The following TTC27 variants were observed in gnomAD, a reference collection of about 807,000 sequenced individuals.
TTC27 encodes tetratricopeptide repeat protein 27.
Under a neutral mutation model 115.9 loss-of-function variants are expected in TTC27, and 79 were observed. The ratio of observed to expected loss-of-function variants is 0.68; its 90% CI spans 0.57 to 0.82. The LOEUF is 0.82. Ranked by LOEUF, TTC27 falls within the 40% of genes least tolerant of loss-of-function variation. The pLI is 0.00. For missense variants in TTC27, 1,054 were observed against 993.1 expected (o/e 1.06, Z -0.82); for synonymous variants, 401 against 356.0 (o/e 1.13, Z -1.42).
intron 12 of TTC27, among the ~76,000 whole-genome samples, chr2:32,754,107 T>TA (rs1052662535): frequency 6.8e-6 from 1 of 146,554 alleles, no homozygotes. Flanking sequence ...TAAAAATAAA[T>TA]AAAAAATTAA....
chr2:32,724,975 A>T (rs1053059203), intron 10 of TTC27, among the ~76,000 whole-genome samples: 2 of 152,224 alleles, frequency 1.3e-5, no homozygotes, highest in South Asian at 2.1e-4. Context: ...ATGGCAGCAG[A>T]CAAAGAGAGA....
At chr2:32,819,971 G>A (rs1247077257) in intron 19 of TTC27, among the ~76,000 whole-genome samples, 1 of 152,202 alleles carries the variant, frequency 6.6e-6, no homozygotes, top group Non-Finnish European at 1.5e-5. Flanking sequence ...AACTATGTGA[G>A]GCTAGGTTAT....
At chr2:32,750,278 A>T (rs995306758) in intron 12 of TTC27, among the ~76,000 whole-genome samples, 1 of 152,218 alleles carries the variant, frequency 6.6e-6, no homozygotes, top group African/African-American at 2.4e-5. Context: ...TGGGGATGCT[A>T]TAGGTCAGCA....
chr2:32,818,048 T>C (rs1349054545), intron 19 of TTC27, among the ~76,000 whole-genome samples: 3 of 151,186 alleles, frequency 2.0e-5, no homozygotes, highest in Non-Finnish European at 1.5e-5. Context: ...CAGAGTGAGA[T>C]ACCATGTCCC....
At chr2:32,701,689 G>A (rs7606327) in intron 9 of TTC27, among the ~76,000 whole-genome samples, 1 of 152,114 alleles carries the variant, frequency 6.6e-6, no homozygotes, top group East Asian at 1.9e-4. Context: ...TTTAATGAGA[G>A]TTTGGAGTTA....
intron 4 of TTC27, among the ~76,000 whole-genome samples, chr2:32,641,010 A>G (rs1424597619): frequency 6.6e-6 from 1 of 152,014 alleles, no homozygotes; most frequent in African/African-American, 2.4e-5. Flanking sequence ...CAACAACAAC[A>G]ACAAAAACAA....
chr2:32,697,602 C>T (rs986676317), intron 9 of TTC27, among the ~76,000 whole-genome samples: 3 of 152,146 alleles, frequency 2.0e-5, no homozygotes, highest in African/African-American at 7.2e-5. Flanking sequence ...TTCATTACTG[C>T]AGAATTTTGG....
At position 32,664,398 on chromosome 2, in the gene TTC27, G is replaced by A. The variant is rs768066431; in HGVS notation, c.736G>A (p.Glu246Lys). Residue 246 changes from glutamate (E) to lysine (K), a missense_variant, in exon 6 of 20, where the codon GAG becomes AAG. Coordinates refer to ENST00000317907, the MANE Select transcript of TTC27 (RefSeq NM_017735.5). ...ECAYVFLYYY[E>K]YRKAKDQLDI... ...TGCATATGTGTTTTTATATTATTATGAGTACAGAAAAGCAAAAGATCAGTT... is the reference window on the plus strand; with the variant it reads ...TGCATATGTGTTTTTATATTATTATAAGTACAGAAAAGCAAAAGATCAGTT... 1.2e-6 allele frequency: 2 copies of A among 1,612,510 alleles called. No homozygotes were observed. The highest frequency in any genetic ancestry group is 1.1e-5 in the South Asian group (1 of 90,604).
At chr2:32,638,494 T>C (rs1964860) in intron 3 of TTC27, among the ~76,000 whole-genome samples, 135,600 of 152,048 alleles carry the variant, frequency 0.89, 60,565 homozygotes, top group East Asian at 1. Flanking sequence ...TTCTCCTGCT[T>C]CAGCCTCCTG....
rs1333494959 is a variant in TTC27, at chr2:32,753,839, C to T, written c.1453-4453C>T. Among the ~76,000 whole-genome samples, 7 of 152,046 alleles carry T rather than the reference C, an allele frequency of 4.6e-5. No homozygotes were observed. In the East Asian group the frequency reaches 5.8e-4, roughly 13 times the overall value. ...CCAGCACTCTGACACTCTGAGAGGC[C>T]GAGGTGGGCAGATCACTTGTGGTCA... On this transcript the variant is annotated intron_variant, in intron 12 of 19. Transcript: ENST00000317907.
At chr2:32,801,820 T>G (rs1387356657) in intron 16 of TTC27, among the ~76,000 whole-genome samples, 1 of 152,128 alleles carries the variant, frequency 6.6e-6, no homozygotes, top group African/African-American at 2.4e-5. Flanking sequence ...CACCAGAGAT[T>G]TGAACATCTG....
intron 18 of TTC27, among the ~76,000 whole-genome samples, chr2:32,815,384 C>A (rs1230260690): frequency 6.6e-6 from 1 of 151,410 alleles, no homozygotes; most frequent in Admixed American, 6.6e-5. Context: ...ACTACAGGCG[C>A]CCACCACCAC....
intron 11 of TTC27, among the ~76,000 whole-genome samples, chr2:32,734,354 G>A (rs887935764): frequency 1.3e-5 from 2 of 152,210 alleles, no homozygotes; most frequent in Non-Finnish European, 2.9e-5. Flanking sequence ...GACTACAGAT[G>A]TGCACTACCA....
In TTC27 at chr2:32,762,628, GTT is replaced by G. The variant is rs112516132; in HGVS notation, c.1680+4119_1680+4120del. Among the ~76,000 whole-genome samples the G allele has an allele frequency of 1.5e-4, 22 of 147,278 alleles. No homozygotes were observed. The South Asian group carries it at 4.5e-3, about 30-fold the overall frequency. On this transcript the variant is annotated intron_variant, in intron 13 of 19. Coordinates refer to ENST00000317907, the MANE Select transcript of TTC27 (RefSeq NM_017735.5). ...CTGTAGCAATAGTTTAGTTTTTTGGGTTTTTTTTTTTGTTTTGTTTTTTGAGA... is the reference window on the plus strand; with the variant it reads ...CTGTAGCAATAGTTTAGTTTTTTGGGTTTTTTTTTGTTTTGTTTTTTGAGA...
At position 32,733,874 on chromosome 2, in the gene TTC27, G is replaced by T. The variant is rs762596393; in HGVS notation, c.1280G>T (p.Arg427Leu). 10 of 1,612,204 alleles carry T rather than the reference G, an allele frequency of 6.2e-6. No homozygotes were observed. Among genetic ancestry groups the T allele is most frequent in the Non-Finnish European group, 8.5e-6 (10 of 1,179,038 alleles). ...GATAAAACTACATCTGTATTGGAAC[G>T]CCTGAAGATTTTCTATTGCTGTCAA... ...FEDKTTSVLE[R>L]LKIFYCCQVP... Residue 427 changes from arginine to leucine, a missense_variant, in exon 11 of 20, where the codon CGC becomes CTC. Arg to Leu is a moderately radical substitution (Grantham distance 102). Transcript: ENST00000317907.
chr2:32,676,318 A>G (rs1232683650), intron 8 of TTC27, among the ~76,000 whole-genome samples: 2 of 151,916 alleles, frequency 1.3e-5, no homozygotes, highest in East Asian at 3.8e-4. Flanking sequence ...TAATAAAATC[A>G]TTTCATAGTT....
intron 5 of TTC27, among the ~76,000 whole-genome samples, chr2:32,656,985 C>CTTTTTTTT (rs11386617): frequency 7.6e-6 from 1 of 131,462 alleles, no homozygotes. Context: ...TAGCACAATT[C>CTTTTTTTT]TTTTTTTTTT....
At chr2:32,730,940 A>G (rs1477723301) in intron 10 of TTC27, among the ~76,000 whole-genome samples, 1 of 152,118 alleles carries the variant, frequency 6.6e-6, no homozygotes, top group Non-Finnish European at 1.5e-5. Flanking sequence ...ACTTTTGTAT[A>G]TTAATTTAAT....
intron 5 of TTC27, 98 bp from the exon 6 acceptor site, chr2:32,664,205 T>C: frequency 9.6e-7 from 1 of 1,037,446 alleles, no homozygotes; most frequent in Non-Finnish European, 1.4e-6. Context: ...CAACAGAGAC[T>C]ATGTACTATA....
Sources: gnomAD v4.1 joint callset for allele counts (sites outside exome capture counted in the v4.1 genomes callset) on GRCh38, gnomAD v4.1.1 for gene constraint, MANE v1.5 for transcripts, NCBI Gene and HGNC (gene_info 2026-07-23, HGNC 2026-07-21) for gene names.